PRKN: variants seen among roughly 807,000 people sequenced by gnomAD.
The protein encoded by PRKN is parkin RBR E3 ubiquitin protein ligase.
In PRKN, 56 loss-of-function variants were observed where a neutral mutation model predicts 59.5. The observed-to-expected ratio is 0.94, with a 90% CI of 0.76 to 1.18. The LOEUF is 1.18. Among genes scored for constraint, PRKN ranks in the 50% most tolerant of loss-of-function variants. The pLI is 0.00. For missense variants in PRKN, 657 were observed against 596.4 expected (o/e 1.10, Z -1.06); for synonymous variants, 250 against 222.1 (o/e 1.13, Z -1.12).
intron 9 of PRKN, among the ~76,000 whole-genome samples, chr6:161,511,027 T>C (rs991853183): frequency 5.9e-5 from 9 of 152,210 alleles, no homozygotes; most frequent in African/African-American, 2.2e-4. Context: ...TTGTTTGCTA[T>C]AGAAAATGAA....
chr6:162,330,077 G>C (rs1345008455), intron 2 of PRKN, among the ~76,000 whole-genome samples: 6 of 152,136 alleles, frequency 3.9e-5, no homozygotes, highest in African/African-American at 1.4e-4. Flanking sequence ...AAAGAAATCT[G>C]GTCCTCTATA....
chr6:162,517,572 T>A (rs1404918967), intron 1 of PRKN, among the ~76,000 whole-genome samples: 1 of 151,938 alleles, frequency 6.6e-6, no homozygotes, highest in Admixed American at 6.6e-5. Context: ...TTTTTTTAAT[T>A]CCCTAAATTA....
chr6:161,440,378 T>C lies in PRKN; in HGVS notation c.1084-53501A>G, dbSNP rs1298625543. 6.6e-6 allele frequency among the ~76,000 whole-genome samples: 1 copy of C among 152,192 alleles called. No homozygotes were observed. Among genetic ancestry groups the C allele is most frequent in the African/African-American group, 2.4e-5 (1 of 41,448 alleles). ...AGCAGACAGAGGCCAGAGACTCTGCTAAACATCCTACAATGCAAAGAACAG... is the reference window on the plus strand; with the variant it reads ...AGCAGACAGAGGCCAGAGACTCTGCCAAACATCCTACAATGCAAAGAACAG... On this transcript the variant is annotated intron_variant, in intron 9 of 11. Coordinates refer to ENST00000366898, the MANE Select transcript of PRKN (RefSeq NM_004562.3). This position sits in a 1 kb window ranked among gnomAD's most constrained non-coding sequence, Gnocchi z 4.1.
chr6:161,955,417 CAG>C (rs1384026790), intron 6 of PRKN, among the ~76,000 whole-genome samples: 7 of 152,072 alleles, frequency 4.6e-5, no homozygotes, highest in Admixed American at 1.3e-4. Context: ...AAAAAGAAAA[CAG>C]AGTTACAGAG....
intron 9 of PRKN, among the ~76,000 whole-genome samples, chr6:161,474,554 A>G (rs978913860): frequency 6.6e-6 from 1 of 151,982 alleles, no homozygotes; most frequent in Non-Finnish European, 1.5e-5. Context: ...ATGATTTTAG[A>G]GCAGCTGTAG....
intron 7 of PRKN, among the ~76,000 whole-genome samples, chr6:161,650,506 A>G (rs1041437703): frequency 5.3e-5 from 8 of 152,146 alleles, no homozygotes; most frequent in African/African-American, 1.9e-4. Context: ...CTGCAAAGAG[A>G]GAGATTGAGA....
chr6:161,366,488 A>C (rs1785205265), intron 10 of PRKN, among the ~76,000 whole-genome samples: 6 of 152,242 alleles, frequency 3.9e-5, no homozygotes, highest in Admixed American at 3.9e-4. Context: ...ATGTCGCAAA[A>C]TGGTTTTTAA....
intron 9 of PRKN, among the ~76,000 whole-genome samples, chr6:161,412,568 C>T (rs116617165): frequency 0.026 from 3,887 of 148,124 alleles, 183 homozygotes; most frequent in African/African-American, 0.094. Flanking sequence ...CTCATTCCTC[C>T]GCTCATTCAT....
At chr6:161,894,552 T>C (rs12208988) in intron 6 of PRKN, among the ~76,000 whole-genome samples, 9,656 of 152,270 alleles carry the variant, frequency 0.063, 384 homozygotes, top group East Asian at 0.17. Context: ...GACCTTAATG[T>C]ATCTTAAATA....
rs368143822 is a variant in PRKN at position 161,357,470 on chromosome 6, G to A, written c.1285+2618C>T. On this transcript the variant is annotated intron_variant, in intron 11 of 11. Transcript: ENST00000366898. The surrounding 1 kb of genome is among the most constrained non-coding windows in gnomAD (Gnocchi z 5.5). ...ATTCTCCACCTGCCGTGCCTGTGAC[G>A]CCTGCCAGAAGTGGGAACATGGGTG... Among the ~76,000 whole-genome samples the A allele has an allele frequency of 5.3e-5, 8 of 152,306 alleles. No individual in the cohort carries two copies. In the East Asian group the frequency reaches 7.7e-4, roughly 15 times the overall value.
Position 161,456,685 on chromosome 6 carries a change from C to A in PRKN, c.1084-69808G>T, listed in dbSNP as rs138577746. 1.8e-3 allele frequency among the ~76,000 whole-genome samples: 280 copies of A among 152,306 alleles called. 1 individual carries two copies. Among genetic ancestry groups the A allele is most frequent in the Non-Finnish European group, 2.9e-3 (196 of 68,038 alleles). ...AGAGGATCAAGGACAGGGCACTGAA[C>A]TGTACCAAAAGAAAGCTGCTCTTTG... On this transcript the variant is annotated intron_variant, in intron 9 of 11. Coordinates refer to ENST00000366898, the MANE Select transcript of PRKN (RefSeq NM_004562.3). The surrounding 1 kb of genome is among the most constrained non-coding windows in gnomAD (Gnocchi z 4.8).
intron 8 of PRKN, among the ~76,000 whole-genome samples, chr6:161,556,410 T>C (rs1047593992): frequency 7.9e-5 from 12 of 152,208 alleles, no homozygotes; most frequent in South Asian, 2.1e-4. Context: ...TGTGCTAGTA[T>C]TTGTAGAAAG....
At chr6:162,691,789 G>A (rs1777783870) in intron 1 of PRKN, among the ~76,000 whole-genome samples, 1 of 152,214 alleles carries the variant, frequency 6.6e-6, no homozygotes, top group East Asian at 1.9e-4. Context: ...TACATCACTA[G>A]AGTCAACATG....
chr6:162,674,354 G>A (rs1016525899), intron 1 of PRKN, among the ~76,000 whole-genome samples: 22 of 152,128 alleles, frequency 1.4e-4, no homozygotes, highest in Admixed American at 1.2e-3. Flanking sequence ...TGAAGTAAGA[G>A]GAGGAAATGA....
chr6:161,666,324 T>C (rs1784724683), intron 7 of PRKN, among the ~76,000 whole-genome samples: 1 of 152,278 alleles, frequency 6.6e-6, no homozygotes, highest in Middle Eastern at 3.4e-3. Context: ...CATAGGAGCA[T>C]GAACCTTATC....
chr6:161,717,794 G>C (rs1161341126), intron 7 of PRKN, among the ~76,000 whole-genome samples: 1 of 152,148 alleles, frequency 6.6e-6, no homozygotes, highest in Non-Finnish European at 1.5e-5. Context: ...TGTCACGCCC[G>C]CGAGGGGTGG....
rs938687069 is a variant in PRKN, at chr6:161,461,232, G to A, written c.1084-74355C>T. Among the ~76,000 whole-genome samples, 9 of 152,300 alleles carry A rather than the reference G, an allele frequency of 5.9e-5. No homozygotes were observed. In the East Asian group the frequency reaches 1.7e-3, roughly 29 times the overall value. ...GGCCTGTGCAAAGGTCTGGAGGTCTGAAAAGTACTCAGTGAGTTCCGGACC... is the reference window on the plus strand; with the variant it reads ...GGCCTGTGCAAAGGTCTGGAGGTCTAAAAAGTACTCAGTGAGTTCCGGACC... On this transcript the variant is annotated intron_variant, in intron 9 of 11. Transcript: ENST00000366898. The surrounding 1 kb of genome is among the most constrained non-coding windows in gnomAD (Gnocchi z 5.1).
intron 7 of PRKN, among the ~76,000 whole-genome samples, chr6:161,767,375 G>A (rs924675842): frequency 6.6e-6 from 1 of 152,168 alleles, no homozygotes; most frequent in African/African-American, 2.4e-5. Flanking sequence ...AAATTAGTCG[G>A]GTGTGGTGGC....
At position 161,361,905 on chromosome 6, in the gene PRKN, G is replaced by A. The variant is rs1784990539; in HGVS notation, c.1168-1700C>T. On this transcript the variant is annotated intron_variant, in intron 10 of 11. Coordinates refer to ENST00000366898, the MANE Select transcript of PRKN (RefSeq NM_004562.3). This position sits in a 1 kb window ranked among gnomAD's most constrained non-coding sequence, Gnocchi z 5.2. ...AACTAGGTATGCATCTTCATGGCAC[G>A]CCTTCCAGTCACCACAGAGTCTTGG... Among the ~76,000 whole-genome samples the A allele has an allele frequency of 1.3e-5, 2 of 152,068 alleles. No individual in the cohort carries two copies. The highest frequency in any genetic ancestry group is 2.1e-4 in the South Asian group (1 of 4,822).
Sources: gnomAD v4.1 joint callset for allele counts (sites outside exome capture counted in the v4.1 genomes callset) on GRCh38, gnomAD v4.1.1 for gene constraint, Gnocchi (gnomAD v3.1) non-coding constraint, MANE v1.5 for transcripts, NCBI Gene and HGNC (gene_info 2026-07-23, HGNC 2026-07-21) for gene names.